Variants in POLR1C observed in about 807,000 individuals in gnomAD.
POLR1C encodes the protein RNA polymerase I and III subunit C.
POLR1C carries 42 observed loss-of-function variants against 38.3 expected under a neutral mutation model. The ratio of observed to expected loss-of-function variants is 1.10; its 90% confidence interval spans 0.86 to 1.42. POLR1C has a LOEUF of 1.42. Among genes scored for constraint, POLR1C ranks in the 40% most tolerant of loss-of-function variants. The pLI is 0.00. For synonymous variants in POLR1C, 163 were observed against 163.9 expected, an observed-to-expected ratio of 0.99 and a Z score of 0.04; for missense variants, 507 against 450.5, an observed-to-expected ratio of 1.13 and a Z score of -1.14.
At chr6:43,518,282 T>C (rs1792949882) in intron 2 of POLR1C, among the ~76,000 whole-genome samples, 1 of 152,134 alleles carries the variant, frequency 6.6e-6, no homozygotes, top group Non-Finnish European at 1.5e-5. Context: ...ATGGTAGAAA[T>C]AGAGCAAAGG....
downstream of POLR1C, chr6:43,525,185 G>A: frequency 1.3e-6 from 2 of 1,582,522 alleles, no homozygotes; most frequent in Non-Finnish European, 1.7e-6. Context: ...GGGAATTGAA[G>A]GCTGTAATTA....
chr6:43,535,959 C>A lies in POLR1C; in HGVS notation c.*4+6600C>A, dbSNP rs865828328. ...CCAACATGGTGAAACCCTGTCTCTA[C>A]TAAAAATATAAAAATTAGACGAGTA... is the stretch of plus-strand genomic sequence containing the variant. On this transcript the variant is annotated intron_variant, in intron 9 of 10. Transcript: ENST00000607635. Among the ~76,000 whole-genome samples, 18 of 151,670 alleles carry A rather than the reference C, an allele frequency of 1.2e-4. 1 individual carries two copies. In the Middle Eastern group the frequency reaches 0.021, roughly 173 times the overall value.
rs200270570 is a variant in POLR1C, at chr6:43,526,676, C to T, written c.923-2573C>T. Reference sequence around the variant, plus strand: ...GAGCAGAACTCCAAGGTCTCACAGGCTCACTTACCGTCTCCATCTGCTGGG... The same window carrying T: ...GAGCAGAACTCCAAGGTCTCACAGGTTCACTTACCGTCTCCATCTGCTGGG... On this transcript the variant is annotated intron_variant, in intron 8 of 8. Transcript: ENST00000304004. 90 of 1,613,818 alleles carry T rather than the reference C, an allele frequency of 5.6e-5. No homozygotes were observed. In the Middle Eastern group the frequency reaches 9.9e-4, roughly 18 times the overall value.
intron 10 of POLR1C, among the ~76,000 whole-genome samples, chr6:43,552,791 C>T (rs541707173): frequency 1.3e-5 from 2 of 152,296 alleles, no homozygotes; most frequent in East Asian, 3.9e-4. Context: ...TGTGCATACC[C>T]TCCTTTTCAG....
At chr6:43,531,693 T>A, downstream of POLR1C, 1 of 856,192 alleles carries the variant, frequency 1.2e-6, no homozygotes, top group Non-Finnish European at 2.0e-6. Flanking sequence ...TCTGGTGCTG[T>A]ACTGCAAAGC....
chr6:43,548,947 G>A (rs1582223307), intron 9 of POLR1C, among the ~76,000 whole-genome samples: 2 of 151,988 alleles, frequency 1.3e-5, no homozygotes, highest in African/African-American at 4.8e-5. Flanking sequence ...AGAATTATAG[G>A]GGTAAACTTA....
intron 9 of POLR1C, among the ~76,000 whole-genome samples, chr6:43,549,027 T>A (rs1424815909): frequency 5.9e-5 from 9 of 152,192 alleles, no homozygotes; most frequent in Admixed American, 5.9e-4. Context: ...TTTCTAACTA[T>A]ACTACTAAGT....
chr6:43,523,730 C>T (rs966679177), downstream of POLR1C: 9 of 1,411,058 alleles, frequency 6.4e-6, no homozygotes, highest in South Asian at 2.3e-5. Flanking sequence ...CTGTTCTCTC[C>T]AGCTCCAGAC....
chr6:43,536,444 C>T (rs985904761), intron 9 of POLR1C, among the ~76,000 whole-genome samples: 1 of 149,692 alleles, frequency 6.7e-6, no homozygotes, highest in African/African-American at 2.5e-5. Context: ...TCACTAACCT[C>T]ATGCTGTAAA....
chr6:43,524,122 C>T (rs112641641), downstream of POLR1C: 163 of 1,429,038 alleles, frequency 1.1e-4, 2 homozygotes, highest in Middle Eastern at 2.1e-3. Context: ...GAGGCCAAGG[C>T]GGGTGGATCA....
downstream of POLR1C, chr6:43,524,840 G>A (rs2257082): frequency 0.28 from 452,396 of 1,612,466 alleles, 67,186 homozygotes; most frequent in East Asian, 0.62. Flanking sequence ...CCAGTGCCTC[G>A]TATATCTGGA....
At chr6:43,527,247 C>T (rs1793653311) in intron 8 of POLR1C, 1 of 201,204 alleles carries the variant, frequency 5.0e-6, no homozygotes, top group African/African-American at 2.3e-5. Context: ...CTAGTTATTT[C>T]TTTTGGATCT....
At chr6:43,534,945 A>C (rs892887352) in intron 9 of POLR1C, among the ~76,000 whole-genome samples, 2 of 152,078 alleles carry the variant, frequency 1.3e-5, no homozygotes, top group African/African-American at 4.8e-5. Flanking sequence ...TGGTGAGCCG[A>C]GATCATACCA....
intron 9 of POLR1C, chr6:43,547,784 C>T: frequency 7.5e-7 from 1 of 1,326,222 alleles, no homozygotes; most frequent in East Asian, 2.3e-5. Flanking sequence ...AGTTAACAGG[C>T]TATCATTATT....
In POLR1C at chr6:43,520,346, C is replaced by T. The variant is rs771350890; in HGVS notation, c.574C>T (p.Pro192Ser). The T allele has an allele frequency of 6.2e-7, 1 of 1,613,650 alleles. No individual in the cohort carries two copies. Residue 192 changes from proline to serine, a missense_variant, in exon 6 of 9, where the codon CCA becomes TCA. Pro to Ser is a moderately conservative substitution (Grantham distance 74, BLOSUM62 -1). Coordinates refer to ENST00000642195, the MANE Select transcript of POLR1C (RefSeq NM_203290.4). ...TCTCTTTCCAGAGGGCACTATCCGA[C>T]CAGTGCATGATGATATCCTCATCGC... ...ADLFPEGTIR[P>S]VHDDILIAQL...
chr6:43,524,284 G>A (rs1252086638), downstream of POLR1C, among the ~76,000 whole-genome samples: 6 of 151,690 alleles, frequency 4.0e-5, no homozygotes, highest in African/African-American at 1.2e-4. Context: ...CCTGGGAGGC[G>A]GAGGTTGTGG....
downstream of POLR1C, among the ~76,000 whole-genome samples, chr6:43,532,934 C>G (rs1366345764): frequency 1.3e-5 from 2 of 152,162 alleles, no homozygotes; most frequent in African/African-American, 4.8e-5. Flanking sequence ...CACTTGAGGT[C>G]ATGAGTTCGA....
chr6:43,530,369 C>T (rs1316015995), downstream of POLR1C, among the ~76,000 whole-genome samples: 2 of 151,030 alleles, frequency 1.3e-5, no homozygotes, highest in Non-Finnish European at 2.9e-5. Flanking sequence ...AGCTGTGAGC[C>T]GAGATCATAC....
At chr6:43,547,017 C>CCA (rs925917729) in intron 9 of POLR1C, among the ~76,000 whole-genome samples, 1 of 152,112 alleles carries the variant, frequency 6.6e-6, no homozygotes, top group Non-Finnish European at 1.5e-5. Flanking sequence ...AGTGACCCAC[C>CCA]CACAGGACCC....
Sources: gnomAD v4.1 joint callset for allele counts (sites outside exome capture counted in the v4.1 genomes callset) on GRCh38, gnomAD v4.1.1 for gene constraint, MANE v1.5 for transcripts, NCBI Gene and HGNC (gene_info 2026-07-23, HGNC 2026-07-21) for gene names.